The following CCDC178 variants were observed in gnomAD, a reference collection of about 807,000 sequenced individuals.
The protein encoded by CCDC178 is coiled-coil domain containing 178, also known as coiled-coil domain-containing protein 178.
In CCDC178, 126 loss-of-function variants were observed where a neutral mutation model predicts 117.4. That is an observed-to-expected ratio of 1.07 (90% CI 0.93 to 1.24). CCDC178 has a LOEUF of 1.24. CCDC178 is among the 50% of genes most tolerant of loss of function. The pLI is 0.00. For missense variants in CCDC178, 1,030 were observed against 986.9 expected, an observed-to-expected ratio of 1.04 and a Z score of -0.59; for synonymous variants, 283 against 313.4, an observed-to-expected ratio of 0.90 and a Z score of 1.02.
At chr18:33,108,322 G>A (rs562913353) in intron 20 of CCDC178, among the ~76,000 whole-genome samples, 2 of 151,540 alleles carry the variant, frequency 1.3e-5, no homozygotes, top group East Asian at 3.9e-4. Flanking sequence ...ATTTAAATAA[G>A]TATCTTAATT....
chr18:33,304,535 G>C (rs2062222781), intron 11 of CCDC178, among the ~76,000 whole-genome samples: 1 of 152,294 alleles, frequency 6.6e-6, no homozygotes, highest in African/African-American at 2.4e-5. Context: ...AAGCAACTGA[G>C]TATAGTGCAC....
intron 11 of CCDC178, among the ~76,000 whole-genome samples, chr18:33,299,288 T>C (rs758478068): frequency 3.3e-5 from 5 of 152,172 alleles, no homozygotes; most frequent in Middle Eastern, 3.4e-3. Context: ...AAAACCCAGA[T>C]ATTAATCTAC....
At chr18:32,989,050 T>C (rs1357874196) in intron 21 of CCDC178, among the ~76,000 whole-genome samples, 1 of 152,282 alleles carries the variant, frequency 6.6e-6, no homozygotes, top group East Asian at 1.9e-4. Flanking sequence ...ACACAGTTTC[T>C]TCCAATTGTA....
rs75981710 is a variant in CCDC178, at chr18:33,275,041, A to G, written c.1177-7744T>C. 4.7e-3 allele frequency among the ~76,000 whole-genome samples: 714 copies of G among 152,236 alleles called. 4 individuals carry two copies. Among genetic ancestry groups the G allele is most frequent in the African/African-American group, 0.016 (679 of 41,572 alleles). On this transcript the variant is annotated intron_variant, in intron 12 of 22. Transcript: ENST00000383096. ...AAAAGTATTAATCATTGGAATATCTAAAATCAAATAGTATGCCATTAACGG... is the reference window on the plus strand; with the variant it reads ...AAAAGTATTAATCATTGGAATATCTGAAATCAAATAGTATGCCATTAACGG...
intron 19 of CCDC178, among the ~76,000 whole-genome samples, chr18:33,214,915 G>A (rs1377187323): frequency 1.3e-5 from 2 of 151,854 alleles, no homozygotes; most frequent in Non-Finnish European, 1.5e-5. Context: ...GCCAGTGCAT[G>A]TTCCTCTAAT....
chr18:33,198,539 G>A (rs539311739), intron 20 of CCDC178, among the ~76,000 whole-genome samples: 2 of 152,212 alleles, frequency 1.3e-5, no homozygotes, highest in South Asian at 2.1e-4. Context: ...AGGTGGACAG[G>A]ACAACTGGAG....
chr18:33,368,351 A>T (rs1435357759), intron 6 of CCDC178, among the ~76,000 whole-genome samples: 1 of 151,990 alleles, frequency 6.6e-6, no homozygotes, highest in Non-Finnish European at 1.5e-5. Context: ...TTTTTTATTC[A>T]ACAGACAGTT....
intron 11 of CCDC178, among the ~76,000 whole-genome samples, chr18:33,309,261 C>A (rs1396967644): frequency 6.6e-6 from 1 of 151,436 alleles, no homozygotes; most frequent in Non-Finnish European, 1.5e-5. Flanking sequence ...GTAAAAATAC[C>A]CATGTATTTA....
intron 2 of CCDC178, among the ~76,000 whole-genome samples, chr18:33,426,669 T>C (rs1312878994): frequency 6.6e-6 from 1 of 152,226 alleles, no homozygotes; most frequent in Non-Finnish European, 1.5e-5. Context: ...CGTATTTGCT[T>C]TCTTCTTTCC....
At chr18:33,438,605 A>G (rs1366849656) in intron 2 of CCDC178, among the ~76,000 whole-genome samples, 1 of 151,886 alleles carries the variant, frequency 6.6e-6, no homozygotes, top group East Asian at 1.9e-4. Context: ...TGAAGTTACC[A>G]TGGCCATTAG....
At chr18:33,422,801 T>G (rs1046564161) in intron 2 of CCDC178, among the ~76,000 whole-genome samples, 1 of 152,198 alleles carries the variant, frequency 6.6e-6, no homozygotes, top group Non-Finnish European at 1.5e-5. Flanking sequence ...ACCTGCAGTC[T>G]GTTTATAATC....
At chr18:33,379,900 A>G (rs762767226) in intron 5 of CCDC178, among the ~76,000 whole-genome samples, 1 of 152,068 alleles carries the variant, frequency 6.6e-6, no homozygotes, top group Non-Finnish European at 1.5e-5. Flanking sequence ...GGGTAGTACA[A>G]CTCAGGCTGC....
chr18:33,212,017 G>C lies in CCDC178; in HGVS notation c.2117C>G (p.Ala706Gly). 6.2e-7 allele frequency: 1 copy of C among 1,600,088 alleles called. No homozygotes were observed. Among genetic ancestry groups the C allele is most frequent in the Non-Finnish European group, 8.5e-7 (1 of 1,174,358 alleles). ...FITMRFKREH[A>G]QTVFDHYMQE... is the part of the protein sequence containing the mutation. ...CATATAATGATCAAACACAGTTTGT[G>C]CATGTTCCCTTTTAAATCTCATAGT... The change falls in exon 20 of 23, where the codon GCA becomes GGA. Residue 706 changes from alanine (A) to glycine (G), a missense_variant. Coordinates refer to ENST00000383096, the MANE Select transcript of CCDC178 (RefSeq NM_001105528.4).
chr18:33,157,786 AC>A (rs2144367936), intron 20 of CCDC178, among the ~76,000 whole-genome samples: 1 of 152,034 alleles, frequency 6.6e-6, no homozygotes, highest in African/African-American at 2.4e-5. Context: ...CAGATTGATT[AC>A]TTCTATATTA....
intron 7 of CCDC178, among the ~76,000 whole-genome samples, chr18:33,350,611 CTTTT>C (rs1568168250): frequency 6.6e-6 from 1 of 152,152 alleles, no homozygotes; most frequent in East Asian, 1.9e-4. Context: ...AATTTTATTT[CTTTT>C]AATGGTGGAA....
intron 12 of CCDC178, among the ~76,000 whole-genome samples, chr18:33,287,022 A>C (rs900817125): frequency 1.3e-5 from 2 of 152,230 alleles, no homozygotes; most frequent in African/African-American, 4.8e-5. Context: ...GCCAATTTCA[A>C]GAGGTTTTCT....
chr18:33,000,012 C>T (rs1455869056), intron 21 of CCDC178, among the ~76,000 whole-genome samples: 1 of 151,828 alleles, frequency 6.6e-6, no homozygotes, highest in South Asian at 2.1e-4. Flanking sequence ...ACTAAGGGAC[C>T]ATTCCTGGAG....
intron 22 of CCDC178, among the ~76,000 whole-genome samples, chr18:32,969,696 T>C (rs186587639): frequency 6.6e-6 from 1 of 152,126 alleles, no homozygotes; most frequent in Admixed American, 6.6e-5. Flanking sequence ...CCCAAACTTG[T>C]ATAAAATACC....
intron 20 of CCDC178, among the ~76,000 whole-genome samples, chr18:33,181,293 C>T (rs1300230289): frequency 6.6e-6 from 1 of 151,920 alleles, no homozygotes; most frequent in African/African-American, 2.4e-5. Context: ...ACTGAATACA[C>T]AAGAGGAGTG....
Sources: gnomAD v4.1 joint callset for allele counts (sites outside exome capture counted in the v4.1 genomes callset) on GRCh38, gnomAD v4.1.1 for gene constraint, MANE v1.5 for transcripts, NCBI Gene and HGNC (gene_info 2026-07-23, HGNC 2026-07-21) for gene names.